Variants in USH2A observed in about 807,000 individuals in gnomAD.
USH2A encodes the protein usherin.
USH2A carries 443 observed loss-of-function variants against 538.9 expected under a neutral mutation model. That is an observed-to-expected ratio of 0.82 (90% CI 0.76 to 0.89). The LOEUF (loss-of-function observed/expected upper bound fraction) is 0.89, where lower values mean the gene tolerates loss of function less well. Among genes scored for constraint, USH2A ranks in the 40% least tolerant of loss-of-function variants. The probability of loss-of-function intolerance (pLI) is 0.00; values close to 1 mark genes in which losing one functional copy is unlikely to be tolerated. For synonymous variants in USH2A, 2,413 were observed against 2,273.5 expected (o/e 1.06, Z -1.75); for missense variants, 6,633 against 6,324.8 (o/e 1.05, Z -1.65).
intron 14 of USH2A, among the ~76,000 whole-genome samples, chr1:216,228,348 A>G (rs1199651125): frequency 6.6e-6 from 1 of 152,114 alleles, no homozygotes; most frequent in Non-Finnish European, 1.5e-5. Context: ...AATCCCTCTG[A>G]AAAGGAAAAC....
intron 38 of USH2A, among the ~76,000 whole-genome samples, chr1:215,930,545 T>G (rs185182908): frequency 1.1e-3 from 162 of 152,204 alleles, no homozygotes; most frequent in African/African-American, 3.8e-3. Flanking sequence ...TTGTTCTTCT[T>G]TTGCTTATTA....
chr1:216,115,025 T>C (rs999911267), intron 21 of USH2A, among the ~76,000 whole-genome samples: 1 of 152,176 alleles, frequency 6.6e-6, no homozygotes, highest in African/African-American at 2.4e-5. Flanking sequence ...GAGCTCTATC[T>C]ATGTAGATAT....
rs76137174 is a variant in USH2A at position 215,648,992 on chromosome 1, T to C, written c.14344-226A>G. Reference sequence around the variant, plus strand: ...ATAATGTAACCGTTAAATAGACGTTTGAGGTAGCAGGATGGAAATCACAAG... The same window carrying C: ...ATAATGTAACCGTTAAATAGACGTTCGAGGTAGCAGGATGGAAATCACAAG... On this transcript the variant is annotated intron_variant, in intron 65 of 71. Coordinates refer to ENST00000307340, the MANE Select transcript of USH2A (RefSeq NM_206933.4). Among the ~76,000 whole-genome samples, 991 of 152,256 alleles carry C rather than the reference T, an allele frequency of 6.5e-3. 25 individuals are homozygous for C. The South Asian group carries it at 0.07, about 11-fold the overall frequency.
Position 215,634,589 on chromosome 1 carries a change from G to A in USH2A, c.15167C>T (p.Ala5056Val). ...LMAMLGLILL[A>V]IFLSLILQRK... ...TTGTAGTATCAGGGACAGAAAAATG[G>A]CCAACAAGATCAAGCCCAGCATCGC... The change falls in exon 70 of 72, where the codon GCC becomes GTC. Residue 5056 changes from alanine (A) to valine (V), a missense_variant. Ala to Val is a moderately conservative substitution (Grantham distance 64). Coordinates refer to ENST00000307340, the MANE Select transcript of USH2A (RefSeq NM_206933.4). 1.2e-6 allele frequency: 2 copies of A among 1,614,140 alleles called. No individual in the cohort carries two copies. Among genetic ancestry groups the A allele is most frequent in the African/African-American group, 1.3e-5 (1 of 75,026 alleles).
In USH2A at chr1:215,766,794, A is replaced by G. The variant is rs1478780931; in HGVS notation, c.10940-6T>C. ...GTTGGTGTATGGCTGGAGACCTAGA[A>G]AAAGCAAGCAAGAAATAAAGTGCAC... On this transcript the variant is annotated splice_polypyrimidine_tract_variant and splice_region_variant and intron_variant, in intron 55 of 71. Coordinates refer to ENST00000307340, the MANE Select transcript of USH2A (RefSeq NM_206933.4). 1.2e-6 allele frequency: 2 copies of G among 1,611,620 alleles called. No homozygotes were observed. The highest frequency in any genetic ancestry group is 1.3e-5 in the African/African-American group (1 of 74,976).
intron 17 of USH2A, among the ~76,000 whole-genome samples, chr1:216,199,252 T>G (rs879497840): frequency 3.9e-5 from 6 of 152,222 alleles, no homozygotes; most frequent in Non-Finnish European, 8.8e-5. Flanking sequence ...TTATATCTTT[T>G]TCTTGCTTAG....
intron 3 of USH2A, among the ~76,000 whole-genome samples, chr1:216,400,759 T>C (rs1351480505): frequency 6.6e-6 from 1 of 152,080 alleles, no homozygotes; most frequent in Non-Finnish European, 1.5e-5. Flanking sequence ...TCTGAAAAAT[T>C]AGAAGCCAGA....
At chr1:216,007,098 G>A (rs1330188819) in intron 32 of USH2A, among the ~76,000 whole-genome samples, 2 of 151,958 alleles carry the variant, frequency 1.3e-5, no homozygotes, top group Non-Finnish European at 2.9e-5. Flanking sequence ...CCTTTCCCTT[G>A]GCTCTCATTT....
At chr1:216,020,841 T>C (rs752478921) in intron 32 of USH2A, among the ~76,000 whole-genome samples, 10 of 152,210 alleles carry the variant, frequency 6.6e-5, no homozygotes, top group Admixed American at 2.0e-4. Context: ...GCTGTTTATA[T>C]GCATCCTTTA....
At chr1:216,037,050 T>C (rs2030017579) in intron 32 of USH2A, among the ~76,000 whole-genome samples, 1 of 152,174 alleles carries the variant, frequency 6.6e-6, no homozygotes, top group South Asian at 2.1e-4. Context: ...TCTGAATAAC[T>C]GACTGTTCTG....
chr1:215,931,082 C>G (rs548974184), intron 38 of USH2A, among the ~76,000 whole-genome samples: 1 of 151,964 alleles, frequency 6.6e-6, no homozygotes, highest in East Asian at 1.9e-4. Flanking sequence ...TTGGAAAAAA[C>G]AGAGACGCCC....
chr1:215,805,482 G>C (rs1176120380), intron 49 of USH2A, among the ~76,000 whole-genome samples: 1 of 152,014 alleles, frequency 6.6e-6, no homozygotes, highest in African/African-American at 2.4e-5. Flanking sequence ...AGCTTGAGAA[G>C]ATAAAAGAGC....
chr1:216,176,699 T>G (rs2034391296), intron 20 of USH2A, among the ~76,000 whole-genome samples: 1 of 152,154 alleles, frequency 6.6e-6, no homozygotes, highest in Admixed American at 6.6e-5. Flanking sequence ...ACATCCTCTG[T>G]GCCCTGCCTA....
chr1:215,868,154 C>T (rs2102441780), intron 43 of USH2A, among the ~76,000 whole-genome samples: 1 of 152,212 alleles, frequency 6.6e-6, no homozygotes, highest in Admixed American at 6.5e-5. Context: ...CAGTGTAAGG[C>T]CCACAGTATT....
intron 20 of USH2A, among the ~76,000 whole-genome samples, chr1:216,183,919 T>TA (rs2034540729): frequency 6.6e-6 from 1 of 152,026 alleles, no homozygotes; most frequent in Admixed American, 6.6e-5. Context: ...AAATATAACT[T>TA]AAACATTGCT....
intron 4 of USH2A, among the ~76,000 whole-genome samples, chr1:216,329,173 C>T (rs2037798383): frequency 6.6e-6 from 1 of 152,270 alleles, no homozygotes; most frequent in Admixed American, 6.5e-5. Context: ...AAAACTAAAT[C>T]TACTAAAACT....
intron 9 of USH2A, among the ~76,000 whole-genome samples, chr1:216,298,013 AT>A (rs1383168850): frequency 1.3e-5 from 2 of 152,192 alleles, no homozygotes; most frequent in Non-Finnish European, 2.9e-5. Flanking sequence ...GATTCCCAAT[AT>A]TTTAAAAACC....
At chr1:216,106,142 A>G (rs546454827) in intron 21 of USH2A, among the ~76,000 whole-genome samples, 93 of 148,344 alleles carry the variant, frequency 6.3e-4, no homozygotes, top group Non-Finnish European at 1.2e-3. Flanking sequence ...TAAAATCAAA[A>G]CATGCACTAT....
chr1:216,210,439 A>G (rs999111135), intron 15 of USH2A, among the ~76,000 whole-genome samples: 1 of 152,040 alleles, frequency 6.6e-6, no homozygotes, highest in Admixed American at 6.6e-5. Context: ...CAGCTGACCA[A>G]TCATGCCCTC....
Sources: gnomAD v4.1 joint callset for allele counts (sites outside exome capture counted in the v4.1 genomes callset) on GRCh38, gnomAD v4.1.1 for gene constraint, MANE v1.5 for transcripts, NCBI Gene and HGNC (gene_info 2026-07-23, HGNC 2026-07-21) for gene names.